The following C4orf33 variants were observed in gnomAD, a reference collection of about 807,000 sequenced individuals.
C4orf33 encodes the protein UPF0462 protein C4orf33.
In C4orf33, 20 loss-of-function variants were observed where a neutral mutation model predicts 24.3. That is an observed-to-expected ratio of 0.82 (90% CI 0.58 to 1.19). C4orf33 has a LOEUF of 1.19. Ranked by LOEUF, C4orf33 falls within the 50% of genes most tolerant of loss-of-function variation. The pLI is 0.00. For synonymous variants in C4orf33, 67 were observed against 76.4 expected (o/e 0.88, Z 0.64); for missense variants, 207 against 225.9 (o/e 0.92, Z 0.54).
intron 2 of C4orf33, among the ~76,000 whole-genome samples, chr4:129,105,141 C>T (rs989810974): frequency 2.0e-5 from 3 of 152,068 alleles, no homozygotes; most frequent in African/African-American, 7.2e-5. Context: ...GTCCACTCTT[C>T]CCTGGGTCTT....
At position 129,116,400 on chromosome 4, in the gene C4orf33, C is replaced by T. The variant is rs1302682384; in HGVS notation, c.*4609C>T. ...TTACTTTGCACTCTTGAAAAATTCG[C>T]AGAGAATGCAAGGTTTAGTAAAAAT... On this transcript the variant is annotated 3_prime_UTR_variant, in exon 6 of 6. Transcript: ENST00000425929. The T allele has an allele frequency of 6.6e-6, 1 of 152,124 alleles. No individual in the cohort carries two copies. The highest frequency in any genetic ancestry group is 1.5e-5 in the Non-Finnish European group (1 of 68,028). 9.4% of individuals were successfully genotyped at this position (152,124 alleles called of 1,614,324 possible). A position where few individuals can be genotyped will look rare whatever the true frequency, so the allele number is the denominator to read the frequency against.
At chr4:129,103,344 C>T (rs1445695181) in intron 2 of C4orf33, among the ~76,000 whole-genome samples, 1 of 151,956 alleles carries the variant, frequency 6.6e-6, no homozygotes, top group Non-Finnish European at 1.5e-5. Flanking sequence ...TTTATTGCTG[C>T]CTTATTTTCT....
chr4:129,110,092 G>C, intron 5 of C4orf33: 1 of 752,742 alleles, frequency 1.3e-6, no homozygotes. Context: ...TCCTCTTCTG[G>C]TAACCTCATA....
rs200667944 is a variant in C4orf33 at position 129,102,575 on chromosome 4, A to G, written c.-9-27A>G. On this transcript the variant is annotated intron_variant, in intron 1 of 5. Transcript: ENST00000425929. ...AGAAAACATTTGTATATTGTTAAAG[A>G]GTTTGTTTTAACATATTTTCTTTTA... 4.1e-6 allele frequency: 6 copies of G among 1,468,994 alleles called. No homozygotes were observed. In the East Asian group the frequency reaches 1.1e-4, roughly 28 times the overall value. The allele number at this position is 1,468,994 out of a possible 1,614,324, so 91.0% of individuals were successfully genotyped here.
intron 2 of C4orf33, among the ~76,000 whole-genome samples, chr4:129,106,371 A>G (rs997319664): frequency 5.3e-5 from 8 of 151,976 alleles, no homozygotes; most frequent in Admixed American, 3.3e-4. Context: ...AATCTTTTCA[A>G]TATGTGGCAA....
chr4:129,098,748 A>G (rs190136521), intron 1 of C4orf33, among the ~76,000 whole-genome samples: 4 of 152,358 alleles, frequency 2.6e-5, no homozygotes, highest in Non-Finnish European at 5.9e-5. Context: ...TATATGCTAA[A>G]TAAGGGGTGG....
chr4:129,102,966 A>G (rs1369690453), intron 2 of C4orf33, 175 bp downstream of exon 2: 17 of 490,314 alleles, frequency 3.5e-5, no homozygotes, highest in Non-Finnish European at 5.6e-5. Flanking sequence ...TACCTGTGTG[A>G]CTTTAACTAT....
chr4:129,110,084 CT>C (rs1753642824), intron 5 of C4orf33: 1 of 801,720 alleles, frequency 1.2e-6, no homozygotes, highest in Admixed American at 5.6e-5. Flanking sequence ...TCTAGTTCTC[CT>C]CTTCTGGTAA....
intron 1 of C4orf33, among the ~76,000 whole-genome samples, chr4:129,101,078 TC>T (rs1441431214): frequency 1.3e-5 from 2 of 152,240 alleles, no homozygotes; most frequent in Non-Finnish European, 2.9e-5. Context: ...GCTGAACATT[TC>T]TTCTGAAATG....
chr4:129,109,781 A>C (rs1245412508), intron 5 of C4orf33, 109 bp downstream of exon 5: 11 of 1,005,496 alleles, frequency 1.1e-5, no homozygotes, highest in Non-Finnish European at 1.6e-5. Context: ...ACATATGTGC[A>C]CAAGTATCTA....
chr4:129,097,132 C>T (rs1753231173), intron 1 of C4orf33, among the ~76,000 whole-genome samples: 1 of 152,218 alleles, frequency 6.6e-6, no homozygotes, highest in African/African-American at 2.4e-5. Flanking sequence ...TGGTCTCGAT[C>T]TCCTGACCTT....
rs1220336803 is a variant in C4orf33 at position 129,114,652 on chromosome 4, C to T, written c.*2861C>T. On this transcript the variant is annotated 3_prime_UTR_variant, in exon 6 of 6. Coordinates refer to ENST00000425929, the MANE Select transcript of C4orf33 (RefSeq NM_001099783.2). ...ACAGGGCATTTGGTGACAAGGACCC[C>T]ATTGTTGGTGGTAATGGCTCTGCTA... The T allele has an allele frequency of 1.3e-5, 2 of 152,070 alleles. No individual in the cohort carries two copies. The highest frequency in any genetic ancestry group is 2.9e-5 in the Non-Finnish European group (2 of 68,034). The allele number at this position is 152,070 out of a possible 1,614,324, so 9.4% of individuals were successfully genotyped here.
intron 3 of C4orf33, among the ~76,000 whole-genome samples, chr4:129,107,401 T>G (rs1040150857): frequency 1.3e-5 from 2 of 152,024 alleles, no homozygotes; most frequent in African/African-American, 4.8e-5. Flanking sequence ...AAATATTTCT[T>G]TATATTGCAG....
At chr4:129,098,591 G>C (rs1454018672) in intron 1 of C4orf33, among the ~76,000 whole-genome samples, 1 of 152,234 alleles carries the variant, frequency 6.6e-6, no homozygotes, top group Non-Finnish European at 1.5e-5. Flanking sequence ...GCCCAGGAGA[G>C]TTCTTGGCTT....
At chr4:129,104,865 A>G (rs1029118338) in intron 2 of C4orf33, among the ~76,000 whole-genome samples, 6 of 152,228 alleles carry the variant, frequency 3.9e-5, no homozygotes, top group Non-Finnish European at 7.3e-5. Flanking sequence ...AGGTATTTCC[A>G]GAATCTGATA....
In C4orf33 at chr4:129,103,814, C is replaced by T. The variant is rs137879210; in HGVS notation, c.181+1023C>T. Among the ~76,000 whole-genome samples, 630 of 152,280 alleles carry T rather than the reference C, an allele frequency of 4.1e-3. 2 individuals are homozygous for T. The highest frequency in any genetic ancestry group is 6.4e-3 in the Non-Finnish European group (433 of 68,012). On this transcript the variant is annotated intron_variant, in intron 2 of 5. Coordinates refer to ENST00000425929, the MANE Select transcript of C4orf33 (RefSeq NM_001099783.2). ...TTCCCCCTGCCTCTAATGCATAGTT[C>T]AAGATCTAATTCATGTCCCATTTCT...
rs566075525 is a variant in C4orf33, at chr4:129,107,774, A to G, written c.242+1127A>G. Among the ~76,000 whole-genome samples the G allele has an allele frequency of 2.0e-5, 3 of 152,160 alleles. No individual in the cohort carries two copies. In the East Asian group the frequency reaches 5.8e-4, roughly 29 times the overall value. On this transcript the variant is annotated intron_variant, in intron 3 of 5. Transcript: ENST00000425929. Reference sequence around the variant, plus strand: ...TGAGAAAACTAAGGCAAACATTCATAATTTGTCTAGAGAACAGTAAAGAAC... The same window carrying G: ...TGAGAAAACTAAGGCAAACATTCATGATTTGTCTAGAGAACAGTAAAGAAC...
At chr4:129,104,183 C>A (rs1482335527) in intron 2 of C4orf33, among the ~76,000 whole-genome samples, 1 of 152,156 alleles carries the variant, frequency 6.6e-6, no homozygotes, top group African/African-American at 2.4e-5. Flanking sequence ...TTCTTTGACA[C>A]TCTCCCTTAT....
At chr4:129,107,216 A>G (rs1753545724) in intron 3 of C4orf33, among the ~76,000 whole-genome samples, 1 of 151,974 alleles carries the variant, frequency 6.6e-6, no homozygotes, top group Non-Finnish European at 1.5e-5. Context: ...ACTAAACCAC[A>G]TATAGATTTT....
Sources: gnomAD v4.1 joint callset for allele counts (sites outside exome capture counted in the v4.1 genomes callset) on GRCh38, gnomAD v4.1.1 for gene constraint, MANE v1.5 for transcripts, NCBI Gene and HGNC (gene_info 2026-07-23, HGNC 2026-07-21) for gene names.